The following PRSS22 variants were observed in gnomAD, a reference collection of about 807,000 sequenced individuals.
PRSS22 encodes serine protease 22.
In PRSS22, 26 loss-of-function variants were observed where a neutral mutation model predicts 28.0. The ratio of observed to expected loss-of-function variants is 0.93; its 90% CI spans 0.68 to 1.29. PRSS22 has a LOEUF of 1.29. Ranked by LOEUF, PRSS22 falls within the 50% of genes most tolerant of loss-of-function variation. PRSS22 has a pLI of 0.00. For missense variants in PRSS22, 444 were observed against 422.1 expected, an observed-to-expected ratio of 1.05 and a Z score of -0.46; for synonymous variants, 217 against 177.9, an observed-to-expected ratio of 1.22 and a Z score of -1.75.
chr16:2,856,132 A>G lies in PRSS22; in HGVS notation c.231T>C (p.Gly77=). Residue 77 remains glycine (G), a synonymous_variant, in exon 3 of 6, where the codon GGT becomes GGC. Coordinates refer to ENST00000161006, the MANE Select transcript of PRSS22 (RefSeq NM_022119.4). The part of the protein sequence containing the change: ...IQKNGTHHCA[G]SLLTSRWVIT... ...TCACCCAGCGGCTGGTGAGCAGAGA[A>G]CCTGCGCAGTGGTGGGTCCCATTCT... 1 of 1,613,846 alleles carries G rather than the reference A, an allele frequency of 6.2e-7. No homozygotes were observed. The highest frequency in any genetic ancestry group is 1.7e-5 in the Admixed American group (1 of 59,996).
chr16:2,855,479 C>T, intron 4 of PRSS22, 95 bp downstream of exon 4: 1 of 1,431,454 alleles, frequency 7.0e-7, no homozygotes, highest in Non-Finnish European at 9.6e-7. Flanking sequence ...CCTCTGGCCT[C>T]CACCCTTTGT....
At position 2,852,971 on chromosome 16, in the gene PRSS22, C is replaced by A. The variant is rs2069418001; in HGVS notation, c.*122G>T. 1 of 577,122 alleles carries A rather than the reference C, an allele frequency of 1.7e-6. No homozygotes were observed. Among genetic ancestry groups the A allele is most frequent in the Non-Finnish European group, 2.7e-6 (1 of 375,620 alleles). 35.8% of individuals were successfully genotyped at this position (577,122 alleles called of 1,614,324 possible). On this transcript the variant is annotated 3_prime_UTR_variant, in exon 6 of 6. Coordinates refer to ENST00000161006, the MANE Select transcript of PRSS22 (RefSeq NM_022119.4). ...CCTTTCCGCAGCAGCCGTCCGGGCC[C>A]CCAGAGGTAGAGGTAGATGAGCCTA...
chr16:2,854,633 C>G (rs2069438414), intron 4 of PRSS22, among the ~76,000 whole-genome samples: 1 of 152,232 alleles, frequency 6.6e-6, no homozygotes, highest in Admixed American at 6.5e-5. Flanking sequence ...CTCTTTCAAA[C>G]TCTTTCTTCC....
Position 2,854,465 on chromosome 16 carries a change from C to T in PRSS22, c.560-443G>A, listed in dbSNP as rs569886472. ...GTGGACTGAAAGTCCGCGATTCTAGCTCTTGAAGAAGCCCCTACAGAGATC... is the reference window on the plus strand; with the variant it reads ...GTGGACTGAAAGTCCGCGATTCTAGTTCTTGAAGAAGCCCCTACAGAGATC... On this transcript the variant is annotated intron_variant, in intron 4 of 5. Coordinates refer to ENST00000161006, the MANE Select transcript of PRSS22 (RefSeq NM_022119.4). 5.7e-5 allele frequency: 10 copies of T among 174,540 alleles called. No homozygotes were observed. In the South Asian group the frequency reaches 1.4e-3, roughly 24 times the overall value. 10.8% of individuals were successfully genotyped at this position (174,540 alleles called of 1,614,324 possible).
rs1263906089 is a variant in PRSS22, at chr16:2,853,513, G to C, written c.718-184C>G. On this transcript the variant is annotated intron_variant, in intron 5 of 5. Transcript: ENST00000161006. This position sits in a 1 kb window ranked among gnomAD's most constrained non-coding sequence, Gnocchi z 4.6. ...GGCGGCAGAGTAGGAGCTGCAGCCAGGCCTTAAGACGTCCAGGCGCGGGTG... is the reference window on the plus strand; with the variant it reads ...GGCGGCAGAGTAGGAGCTGCAGCCACGCCTTAAGACGTCCAGGCGCGGGTG... Among the ~76,000 whole-genome samples the C allele has an allele frequency of 6.6e-6, 1 of 152,218 alleles. No individual in the cohort carries two copies. Among genetic ancestry groups the C allele is most frequent in the Admixed American group, 6.5e-5 (1 of 15,284 alleles).
chr16:2,855,958 T>G (rs1596326202), intron 3 of PRSS22, 107 bp from the exon 4 acceptor site: 1 of 1,507,122 alleles, frequency 6.6e-7, no homozygotes. Context: ...GGCTTCTAGG[T>G]AGAATCGAGG....
rs779555389 is a variant in PRSS22 at position 2,854,639 on chromosome 16, C to T, written c.560-617G>A. Among the ~76,000 whole-genome samples the T allele has an allele frequency of 2.0e-5, 3 of 152,226 alleles. No homozygotes were observed. In the South Asian group the frequency reaches 6.2e-4, roughly 32 times the overall value. On this transcript the variant is annotated intron_variant, in intron 4 of 5. Transcript: ENST00000161006. Reference sequence around the variant, plus strand: ...TCTAGCTCTCTCTTTCAAACTCTTTCTTCCAGGTCTTCATTGTATCCTCAT... The same window carrying T: ...TCTAGCTCTCTCTTTCAAACTCTTTTTTCCAGGTCTTCATTGTATCCTCAT...
At chr16:2,854,999 A>G (rs896742563) in intron 4 of PRSS22, among the ~76,000 whole-genome samples, 2 of 152,102 alleles carry the variant, frequency 1.3e-5, no homozygotes, top group Non-Finnish European at 2.9e-5. Flanking sequence ...GTATTGATGA[A>G]TTGAATAGCT....
At chr16:2,856,387 C>T in intron 2 of PRSS22, 134 bp from the exon 3 acceptor site, 1 of 896,294 alleles carries the variant, frequency 1.1e-6, no homozygotes, top group Non-Finnish European at 1.7e-6. Context: ...TACCCACATC[C>T]CAAGTTTCAC....
At chr16:2,857,031 C>T (rs2069464747) in intron 1 of PRSS22, 183 bp from the exon 2 acceptor site, 1 of 682,786 alleles carries the variant, frequency 1.5e-6, no homozygotes, top group African/African-American at 1.8e-5. Flanking sequence ...AGGAGGGGTC[C>T]CAGCACCCCC....
At position 2,856,315 on chromosome 16, in the gene PRSS22, A is replaced by G. The variant is rs1417020841; in HGVS notation, c.110-62T>C. On this transcript the variant is annotated intron_variant, in intron 2 of 5. Transcript: ENST00000161006. Reference sequence around the variant, plus strand: ...CCTACAACCCACCCCCGGAATCCCAATCCCTAGGCCTGCACCCCAAGCTTT... The same window carrying G: ...CCTACAACCCACCCCCGGAATCCCAGTCCCTAGGCCTGCACCCCAAGCTTT... 2.6e-6 allele frequency: 4 copies of G among 1,560,928 alleles called. No individual in the cohort carries two copies. In the African/African-American group the frequency reaches 5.4e-5, roughly 21 times the overall value.
At position 2,854,036 on chromosome 16, in the gene PRSS22, G is replaced by T. The variant is rs754787958; in HGVS notation, c.560-14C>A. 6.2e-7 allele frequency: 1 copy of T among 1,614,034 alleles called. No individual in the cohort carries two copies. The highest frequency in any genetic ancestry group is 1.1e-5 in the South Asian group (1 of 91,074). On this transcript the variant is annotated splice_polypyrimidine_tract_variant and intron_variant, in intron 4 of 5. Coordinates refer to ENST00000161006, the MANE Select transcript of PRSS22 (RefSeq NM_022119.4). ...GGGGCAAGGGAACTGGGAGGAAAGA[G>T]GACAGAATCAGGTTTGGGGGTCTCC...
At chr16:2,857,904 CAG>C in intron 1 of PRSS22, 117 bp downstream of exon 1, 2 of 704,298 alleles carry the variant, frequency 2.8e-6, no homozygotes, top group Non-Finnish European at 4.0e-6. Flanking sequence ...AAGAGATAAA[CAG>C]AGCAGAAGCG....
At position 2,853,004 on chromosome 16, in the gene PRSS22, C is replaced by G. The variant is rs567647396; in HGVS notation, c.*89G>C. 7.1e-4 allele frequency: 617 copies of G among 874,858 alleles called. 6 individuals are homozygous for G. The South Asian group carries it at 0.01, about 15-fold the overall frequency. 54.2% of individuals were successfully genotyped at this position (874,858 alleles called of 1,614,324 possible). A position where few individuals can be genotyped will look rare whatever the true frequency, so the allele number is the denominator to read the frequency against. ...TAGAGGTAGATGAGCCTATTTACGG[C>G]GGGGGAAACCGCCCGAGGCCGCCGC... On this transcript the variant is annotated 3_prime_UTR_variant, in exon 6 of 6. Coordinates refer to ENST00000161006, the MANE Select transcript of PRSS22 (RefSeq NM_022119.4). This position sits in a 1 kb window ranked among gnomAD's most constrained non-coding sequence, Gnocchi z 4.6.
At chr16:2,856,988 C>T (rs1331177625) in intron 1 of PRSS22, 140 bp from the exon 2 acceptor site, 1 of 1,003,164 alleles carries the variant, frequency 1.0e-6, no homozygotes, top group Non-Finnish European at 1.5e-6. Context: ...GAGGTCCCAG[C>T]ACCCAGTGAG....
At chr16:2,855,347 C>CAAAAAAAAAAAAAAAAAAAAA (rs33950878) in intron 4 of PRSS22, among the ~76,000 whole-genome samples, 10 of 69,024 alleles carry the variant, frequency 1.4e-4, no homozygotes, top group East Asian at 5.3e-4. Flanking sequence ...CACCCTGTCT[C>CAAAAAAAAAAAAAAAAAAAAA]AAAAAAAAAA....
Position 2,856,698 on chromosome 16 carries a change from T to C in PRSS22, c.109+124A>G, listed in dbSNP as rs982954416. 15 of 1,135,770 alleles carry C rather than the reference T, an allele frequency of 1.3e-5. No individual in the cohort carries two copies. In the African/African-American group the frequency reaches 2.0e-4, roughly 15 times the overall value. The allele number at this position is 1,135,770 out of a possible 1,614,324, so 70.4% of individuals were successfully genotyped here. On this transcript the variant is annotated intron_variant, in intron 2 of 5. Transcript: ENST00000161006. ...TCTCCTTCCTGCCTCCCTTCCCCTC[T>C]AGCTCTTTCCCCCTCTCACCCCAGC...
In PRSS22 at chr16:2,856,225, C is replaced by A. The variant is rs767078604; in HGVS notation, c.138G>T (p.Gln46His). 1.1e-5 allele frequency: 18 copies of A among 1,613,718 alleles called. No homozygotes were observed. The highest frequency in any genetic ancestry group is 1.4e-5 in the Non-Finnish European group (17 of 1,179,938). The change falls in exon 3 of 6, where the codon CAG becomes CAT. Residue 46 changes from glutamine to histidine, a missense_variant. Coordinates refer to ENST00000161006, the MANE Select transcript of PRSS22 (RefSeq NM_022119.4). ...CCTCGCCGCCCACAACCCGGTTCAG[C>A]TGCTGGGGCTTCCCACAGGCTGGGG... The part of the protein sequence containing the change: ...PVPPACGKPQ[Q>H]LNRVVGGEDS...
Position 2,858,059 on chromosome 16 carries a change from C to G in PRSS22, c.46G>C (p.Gly16Arg). 1 of 1,277,074 alleles carries G rather than the reference C, an allele frequency of 7.8e-7. No individual in the cohort carries two copies. Among genetic ancestry groups the G allele is most frequent in the Non-Finnish European group, 1.0e-6 (1 of 1,003,396 alleles). The allele number at this position is 1,277,074 out of a possible 1,614,324, so 79.1% of individuals were successfully genotyped here. A position where few individuals can be genotyped will look rare whatever the true frequency, so the allele number is the denominator to read the frequency against. ...APPALGGGCL[G>R]TFTSLLLLAS... ...AGCAGCAGCAGGGAGGTGAAGGTGC[C>G]GAGACAGCCCCCACCCAGGGCTGGG... is the stretch of plus-strand genomic sequence containing the variant. Residue 16 changes from glycine to arginine, a missense_variant, in exon 1 of 6, where the codon GGC becomes CGC. By Grantham distance (125) the Gly-to-Arg change is moderately radical. Transcript: ENST00000161006.
Sources: gnomAD v4.1 joint callset for allele counts (sites outside exome capture counted in the v4.1 genomes callset) on GRCh38, gnomAD v4.1.1 for gene constraint, Gnocchi (gnomAD v3.1) non-coding constraint, MANE v1.5 for transcripts, NCBI Gene and HGNC (gene_info 2026-07-23, HGNC 2026-07-21) for gene names.